Variants in FAM107B observed in about 807,000 individuals in gnomAD.
FAM107B encodes protein FAM107B.
In FAM107B, 21 loss-of-function variants were observed where a neutral mutation model predicts 31.5. That is an observed-to-expected ratio of 0.67 (90% CI 0.47 to 0.96). The LOEUF (loss-of-function observed/expected upper bound fraction) is 0.96. Ranked by LOEUF, FAM107B falls within the 40% of genes least tolerant of loss-of-function variation. The pLI is 0.00. For synonymous variants in FAM107B, 157 were observed against 141.5 expected, an observed-to-expected ratio of 1.11 and a Z score of -0.78; for missense variants, 452 against 377.1, an observed-to-expected ratio of 1.20 and a Z score of -1.64.
rs995343154 is a variant in FAM107B, at chr10:14,548,502, G to A, written c.470-17987C>T. 7 of 985,426 alleles carry A rather than the reference G, an allele frequency of 7.1e-6. No homozygotes were observed. In the Admixed American group the frequency reaches 1.8e-4, roughly 26 times the overall value. The allele number at this position is 985,426 out of a possible 1,614,324, so 61.0% of individuals were successfully genotyped here. A position where few individuals can be genotyped will look rare whatever the true frequency, so the allele number is the denominator to read the frequency against. On this transcript the variant is annotated intron_variant, in intron 2 of 4. Coordinates refer to ENST00000181796, the MANE Select transcript of FAM107B (RefSeq NM_031453.4). ...AGTTCACACGAGAATGCTGGAGTTG[G>A]CCCAGGGCTGCTTCATCGCTTGGAG... is the stretch of plus-strand genomic sequence containing the variant.
intron 1 of FAM107B, among the ~76,000 whole-genome samples, chr10:14,741,743 T>C (rs1198905526): frequency 3.6e-5 from 5 of 138,342 alleles, no homozygotes; most frequent in Admixed American, 7.3e-5. Flanking sequence ...TTTTTTGAGA[T>C]GGAGTCTCGC....
intron 1 of FAM107B, among the ~76,000 whole-genome samples, chr10:14,670,748 G>A (rs1308573975): frequency 1.3e-5 from 2 of 152,174 alleles, no homozygotes; most frequent in African/African-American, 2.4e-5. Flanking sequence ...GAGTTGCAAA[G>A]TCCCGCAACA....
At chr10:14,710,304 GC>G (rs926775223) in intron 1 of FAM107B, among the ~76,000 whole-genome samples, 1 of 152,048 alleles carries the variant, frequency 6.6e-6, no homozygotes, top group Admixed American at 6.6e-5. Flanking sequence ...AAGAAAAACA[GC>G]CAAGCTGAGG....
At chr10:14,576,147 T>A (rs537885342) in intron 2 of FAM107B, among the ~76,000 whole-genome samples, 31 of 152,282 alleles carry the variant, frequency 2.0e-4, no homozygotes, top group East Asian at 7.7e-4. Flanking sequence ...ATGAAAAAGT[T>A]CTGGAGATGG....
chr10:14,720,336 C>T (rs1057194537), intron 1 of FAM107B, among the ~76,000 whole-genome samples: 1 of 152,180 alleles, frequency 6.6e-6, no homozygotes, highest in African/African-American at 2.4e-5. Flanking sequence ...TCACTGCAAC[C>T]TCCGCCTCCC....
chr10:14,660,542 A>AT (rs1243525736), intron 2 of FAM107B, among the ~76,000 whole-genome samples: 4 of 152,208 alleles, frequency 2.6e-5, no homozygotes, highest in Admixed American at 2.6e-4. Flanking sequence ...GTACTATGTA[A>AT]TTTCTACTCA....
At chr10:14,729,604 A>G (rs1466671702) in intron 1 of FAM107B, among the ~76,000 whole-genome samples, 1 of 152,150 alleles carries the variant, frequency 6.6e-6, no homozygotes, top group African/African-American at 2.4e-5. Flanking sequence ...CGTGGTTCAC[A>G]ATCTTGGGTG....
intron 2 of FAM107B, among the ~76,000 whole-genome samples, chr10:14,630,258 C>A (rs1300135616): frequency 6.9e-6 from 1 of 145,002 alleles, no homozygotes; most frequent in African/African-American, 2.6e-5. Context: ...GTTCACTATG[C>A]CTCACTTCTC....
chr10:14,766,051 G>C (rs895191260), intron 1 of FAM107B, among the ~76,000 whole-genome samples: 3 of 152,162 alleles, frequency 2.0e-5, no homozygotes, highest in African/African-American at 7.2e-5. Flanking sequence ...TTGGCTTCTA[G>C]ACAACTTCAA....
At chr10:14,713,208 G>T (rs1022778320) in intron 1 of FAM107B, among the ~76,000 whole-genome samples, 3 of 152,144 alleles carry the variant, frequency 2.0e-5, no homozygotes, top group East Asian at 3.8e-4. Context: ...TGCATCAAAA[G>T]CCTCCATACT....
chr10:14,595,993 G>A (rs1852177359), intron 2 of FAM107B, among the ~76,000 whole-genome samples: 1 of 152,176 alleles, frequency 6.6e-6, no homozygotes, highest in Admixed American at 6.5e-5. Flanking sequence ...GAACTCTCCT[G>A]TGGCTTCCTC....
intron 2 of FAM107B, among the ~76,000 whole-genome samples, chr10:14,546,339 A>G (rs994078430): frequency 2.0e-5 from 3 of 152,198 alleles, no homozygotes; most frequent in Non-Finnish European, 4.4e-5. Flanking sequence ...AATTTTCTAA[A>G]TTGACTGTCC....
At chr10:14,574,177 A>G (rs1040219811) in intron 2 of FAM107B, among the ~76,000 whole-genome samples, 9 of 152,246 alleles carry the variant, frequency 5.9e-5, no homozygotes, top group Admixed American at 5.9e-4. Context: ...TTAGTATGTA[A>G]TAAATAGATA....
At chr10:14,718,680 A>G (rs1051374349) in intron 1 of FAM107B, among the ~76,000 whole-genome samples, 2 of 152,196 alleles carry the variant, frequency 1.3e-5, no homozygotes, top group African/African-American at 4.8e-5. Flanking sequence ...GCTGACATCC[A>G]AATCTAATTG....
At chr10:14,729,175 T>C (rs1856106961) in intron 1 of FAM107B, among the ~76,000 whole-genome samples, 1 of 152,062 alleles carries the variant, frequency 6.6e-6, no homozygotes, top group African/African-American at 2.4e-5. Flanking sequence ...TTTATTTTCA[T>C]TTTTGTAGAG....
chr10:14,690,748 G>A (rs543199258), intron 1 of FAM107B, among the ~76,000 whole-genome samples: 5 of 149,510 alleles, frequency 3.3e-5, no homozygotes, highest in South Asian at 2.1e-4. Flanking sequence ...CACCACGCCC[G>A]GCCAACTAGC....
chr10:14,582,030 G>A (rs1364256436), intron 2 of FAM107B, among the ~76,000 whole-genome samples: 1 of 152,130 alleles, frequency 6.6e-6, no homozygotes, highest in Non-Finnish European at 1.5e-5. Flanking sequence ...TTCAACTTTG[G>A]CATATTGTTG....
At chr10:14,756,347 G>A (rs1376606637) in intron 1 of FAM107B, among the ~76,000 whole-genome samples, 1 of 152,184 alleles carries the variant, frequency 6.6e-6, no homozygotes, top group Non-Finnish European at 1.5e-5. Flanking sequence ...AATCAAACAC[G>A]AATCCAGGAG....
chr10:14,589,638 G>A (rs1851952840), intron 2 of FAM107B, among the ~76,000 whole-genome samples: 1 of 152,070 alleles, frequency 6.6e-6, no homozygotes, highest in Non-Finnish European at 1.5e-5. Flanking sequence ...GTGAATAAGA[G>A]TACATTCTTG....
Sources: allele counts gnomAD v4.1 joint callset (sites outside exome capture counted in the v4.1 genomes callset), GRCh38; gene constraint gnomAD v4.1.1; transcripts MANE v1.5; gene names NCBI Gene and HGNC (gene_info 2026-07-23, HGNC 2026-07-21).